The following CACNA2D3 variants were observed in gnomAD, a reference collection of about 807,000 sequenced individuals.
The protein encoded by CACNA2D3 is calcium voltage-gated channel auxiliary subunit alpha2delta 3.
In CACNA2D3, 60 loss-of-function variants were observed where a neutral mutation model predicts 160.6. The ratio of observed to expected loss-of-function variants is 0.37; its 90% confidence interval spans 0.30 to 0.46. CACNA2D3 has a LOEUF of 0.46. Among genes scored for constraint, CACNA2D3 ranks in the 20% least tolerant of loss-of-function variants. CACNA2D3 has a pLI of 1.00. For missense variants in CACNA2D3, 1,205 were observed against 1,365.0 expected (o/e 0.88, Z 1.85); for synonymous variants, 558 against 492.9 (o/e 1.13, Z -1.75).
In CACNA2D3 at chr3:55,030,951, T is replaced by C. The variant is rs1703675733; in HGVS notation, c.2987+12634T>C. On this transcript the variant is annotated intron_variant, in intron 35 of 37. Coordinates refer to ENST00000474759, the MANE Select transcript of CACNA2D3 (RefSeq NM_018398.3). ...TGTCTATAATGACTAGGCAGGTTTC[T>C]ACCTGACATGAATTAGTCTCACAAT... Among the ~76,000 whole-genome samples, 2 of 152,184 alleles carry C rather than the reference T, an allele frequency of 1.3e-5. 1 individual carries two copies. Among genetic ancestry groups the C allele is most frequent in the Non-Finnish European group, 2.9e-5 (2 of 68,040 alleles).
At chr3:54,399,633 G>T (rs1699410885) in intron 4 of CACNA2D3, among the ~76,000 whole-genome samples, 1 of 27,260 alleles carries the variant, frequency 3.7e-5, no homozygotes, top group African/African-American at 1.7e-4. Context: ...GCTGCTCGGG[G>T]GTCAGGGGTC....
intron 3 of CACNA2D3, among the ~76,000 whole-genome samples, chr3:54,364,444 G>A (rs1449866379): frequency 6.6e-6 from 1 of 152,160 alleles, no homozygotes; most frequent in Non-Finnish European, 1.5e-5. Flanking sequence ...GAAATTTCCT[G>A]TCCTTGCCAC....
chr3:54,921,525 T>G (rs1700850501), intron 27 of CACNA2D3, among the ~76,000 whole-genome samples: 1 of 152,236 alleles, frequency 6.6e-6, no homozygotes, highest in Admixed American at 6.5e-5. Flanking sequence ...CACATCTTTT[T>G]GCTCTTAGGC....
intron 11 of CACNA2D3, among the ~76,000 whole-genome samples, chr3:54,686,145 C>T (rs924142503): frequency 4.6e-5 from 7 of 152,200 alleles, no homozygotes; most frequent in African/African-American, 1.7e-4. Context: ...ATCTGTGGGC[C>T]AAGTCTGGCC....
At chr3:54,835,382 G>A (rs1013682311) in intron 14 of CACNA2D3, among the ~76,000 whole-genome samples, 2 of 152,170 alleles carry the variant, frequency 1.3e-5, no homozygotes, top group African/African-American at 2.4e-5. Flanking sequence ...CAGAGTGTTT[G>A]GAATGGGGCC....
intron 3 of CACNA2D3, among the ~76,000 whole-genome samples, chr3:54,343,867 C>G (rs1201329451): frequency 1.3e-5 from 2 of 151,984 alleles, no homozygotes; most frequent in African/African-American, 4.8e-5. Context: ...TTTAAAATGC[C>G]TATTTTTGTT....
intron 3 of CACNA2D3, among the ~76,000 whole-genome samples, chr3:54,374,840 G>A (rs985972361): frequency 6.6e-6 from 1 of 151,850 alleles, no homozygotes; most frequent in Non-Finnish European, 1.5e-5. Context: ...AATCTTTCTC[G>A]TTATTGTCTT....
At chr3:54,887,721 A>T (rs569626897) in intron 23 of CACNA2D3, among the ~76,000 whole-genome samples, 3 of 152,198 alleles carry the variant, frequency 2.0e-5, no homozygotes, top group African/African-American at 7.2e-5. Flanking sequence ...CTGAAGTGTG[A>T]GACACCCAAG....
rs569436387 is a variant in CACNA2D3, at chr3:54,512,889, C to T, written c.544+9235C>T. Among the ~76,000 whole-genome samples, 11 of 152,270 alleles carry T rather than the reference C, an allele frequency of 7.2e-5. No homozygotes were observed. In the South Asian group the frequency reaches 2.3e-3, roughly 32 times the overall value. On this transcript the variant is annotated intron_variant, in intron 5 of 37. Transcript: ENST00000474759. ...TACAGTTCCACATGGCTGGGGAGGCCTCACAGTCATGGCGGAAGGCAAGGA... is the reference window on the plus strand; with the variant it reads ...TACAGTTCCACATGGCTGGGGAGGCTTCACAGTCATGGCGGAAGGCAAGGA...
intron 3 of CACNA2D3, among the ~76,000 whole-genome samples, chr3:54,336,004 CAAA>C (rs60465412): frequency 1.1e-3 from 80 of 74,542 alleles, no homozygotes; most frequent in African/African-American, 4.0e-3. Flanking sequence ...GACTCCGTCT[CAAA>C]AAAAAAAAAA....
chr3:54,225,653 A>G (rs922916558), intron 2 of CACNA2D3, among the ~76,000 whole-genome samples: 3 of 152,208 alleles, frequency 2.0e-5, no homozygotes, highest in Non-Finnish European at 4.4e-5. Context: ...GGTTTTTCTT[A>G]CAGACAACAA....
chr3:54,212,642 A>AC (rs2107365074), intron 2 of CACNA2D3, among the ~76,000 whole-genome samples: 2 of 151,852 alleles, frequency 1.3e-5, no homozygotes, highest in East Asian at 3.9e-4. Flanking sequence ...GGTGTGTCCG[A>AC]CCCCCACTTC....
chr3:54,992,433 C>A (rs1198643774), intron 31 of CACNA2D3, among the ~76,000 whole-genome samples: 1 of 152,126 alleles, frequency 6.6e-6, no homozygotes, highest in African/African-American at 2.4e-5. Flanking sequence ...TGGATGTCTC[C>A]CATTGTGACC....
chr3:54,456,879 T>C (rs930994782), intron 4 of CACNA2D3, among the ~76,000 whole-genome samples: 11 of 151,894 alleles, frequency 7.2e-5, no homozygotes, highest in Admixed American at 7.2e-4. Context: ...TTTCCAGTTT[T>C]TTGGCCTATA....
chr3:54,407,052 G>T (rs546272438), intron 4 of CACNA2D3, among the ~76,000 whole-genome samples: 1 of 152,212 alleles, frequency 6.6e-6, no homozygotes, highest in African/African-American at 2.4e-5. Flanking sequence ...AAACTATATT[G>T]TAAACAAGAG....
At chr3:54,818,558 A>C (rs563827364) in intron 14 of CACNA2D3, among the ~76,000 whole-genome samples, 271 of 152,364 alleles carry the variant, frequency 1.8e-3, no homozygotes, top group Non-Finnish European at 2.4e-3. Context: ...ATAATACTTC[A>C]GTAGCACTTA....
intron 13 of CACNA2D3, among the ~76,000 whole-genome samples, chr3:54,782,541 C>G (rs1035194502): frequency 3.9e-5 from 6 of 152,174 alleles, no homozygotes; most frequent in African/African-American, 1.4e-4. Context: ...AGTTCTGACA[C>G]TCTCCAAAAG....
intron 11 of CACNA2D3, among the ~76,000 whole-genome samples, chr3:54,688,543 ATACTT>A (rs1333423843): frequency 6.6e-6 from 1 of 151,786 alleles, no homozygotes; most frequent in East Asian, 2.0e-4. Flanking sequence ...TTGGCCGAGT[ATACTT>A]TACTTCTCCA....
chr3:54,879,165 C>A, intron 19 of CACNA2D3, 76 bp downstream of exon 19: 2 of 1,023,778 alleles, frequency 2.0e-6, no homozygotes, highest in Non-Finnish European at 1.5e-6. Flanking sequence ...AAAGCTATAT[C>A]TGGAATAAAT....
Sources: gnomAD v4.1 joint callset for allele counts (sites outside exome capture counted in the v4.1 genomes callset) on GRCh38, gnomAD v4.1.1 for gene constraint, MANE v1.5 for transcripts, NCBI Gene and HGNC (gene_info 2026-07-23, HGNC 2026-07-21) for gene names.